The following NUTM1 variants were observed in gnomAD, a reference collection of about 807,000 sequenced individuals.
The protein encoded by NUTM1 is NUT family member 1.
NUTM1 carries 39 observed loss-of-function variants against 88.7 expected under a neutral mutation model. That is an observed-to-expected ratio of 0.44 (90% confidence interval 0.34 to 0.57). NUTM1 has a LOEUF of 0.57. NUTM1 is among the 20% of genes least tolerant of loss of function. The pLI, the probability that NUTM1 is intolerant of heterozygous loss-of-function variation, is 0.01. For synonymous variants in NUTM1, 494 were observed against 538.0 expected (o/e 0.92, Z 1.13); for missense variants, 1,350 against 1,414.5 (o/e 0.95, Z 0.73).
At chr15:34,350,365 A>C (rs1393142100) in intron 3 of NUTM1, among the ~76,000 whole-genome samples, 4 of 152,266 alleles carry the variant, frequency 2.6e-5, no homozygotes, top group Non-Finnish European at 5.9e-5. Context: ...AGCAAATCCC[A>C]TTCATTTAAT....
intron 3 of NUTM1, among the ~76,000 whole-genome samples, chr15:34,349,257 C>T (rs1890664201): frequency 6.6e-6 from 1 of 152,188 alleles, no homozygotes; most frequent in Admixed American, 6.5e-5. Flanking sequence ...CTACCACTCA[C>T]TAGATTTGTG....
In NUTM1 at chr15:34,357,411, G is replaced by C. The variant is rs368215734; in HGVS notation, c.3403G>C (p.Val1135Leu). The C allele has an allele frequency of 6.2e-7, 1 of 1,614,204 alleles. No individual in the cohort carries two copies. The highest frequency in any genetic ancestry group is 1.7e-5 in the Admixed American group (1 of 60,014). Residue 1135 changes from valine (V) to leucine (L), a missense_variant, in exon 8 of 8, where the codon GTT (valine) becomes CTT (leucine). Physicochemically the swap from Val to Leu is conservative, Grantham distance 32 (BLOSUM62 1). Around this residue, in one of 5 missense-constraint regions of NUTM1, gnomAD observed 730 missense variants for 728.8 expected, o/e 1.00. Coordinates refer to ENST00000537011, the MANE Select transcript of NUTM1 (RefSeq NM_001284292.2). ...GGAGAAACCCCTAGCTCTGGGAGTA[G>C]TTCGACCCTCACAGCCTCGTAAAAG... ...PREKPLALGV[V>L]RPSQPRKRRC...
Position 34,356,696 on chromosome 15 carries a change from C to A in NUTM1, c.2688C>A (p.Ile896=). The A allele has an allele frequency of 6.2e-7, 1 of 1,613,712 alleles. No individual in the cohort carries two copies. Among genetic ancestry groups the A allele is most frequent in the Non-Finnish European group, 8.5e-7 (1 of 1,179,954 alleles). Residue 896 remains isoleucine (I), a synonymous_variant, in exon 8 of 8, where the codon ATC becomes ATA. Transcript: ENST00000537011. ...CCACATGCCAAGGCAATCTCCTTAT[C>A]ATGGGGACTGAGGATGCCTCCTCCT... ...LPPTCQGNLL[I]MGTEDASSLP...
In NUTM1 at chr15:34,355,783, A is replaced by G; in HGVS notation, c.1775A>G (p.Asp592Gly). The G allele has an allele frequency of 6.2e-7, 1 of 1,614,200 alleles. No homozygotes were observed. Among genetic ancestry groups the G allele is most frequent in the South Asian group, 1.1e-5 (1 of 91,090 alleles). The change falls in exon 8 of 8, where the codon GAC becomes GGC. Residue 592 changes from aspartate (D) to glycine (G), a missense_variant. By Grantham distance (94) the Asp-to-Gly change is moderately conservative (BLOSUM62 -1). Transcript: ENST00000537011. This position sits in a 1 kb window ranked among gnomAD's most constrained non-coding sequence, Gnocchi z 4.3. ...ACTCTGCCATCCCCCAGCAGCTGGG[A>G]CCTGCAGCCAGAACTTGCAGCTCCA... ...GNTLPSPSSW[D>G]LQPELAAPQG... is the part of the protein sequence containing the mutation.
At chr15:34,345,847 C>G in intron 1 of NUTM1, 95 bp from the exon 2 acceptor site, 2 of 1,510,220 alleles carry the variant, frequency 1.3e-6, no homozygotes, top group Middle Eastern at 3.4e-4. Flanking sequence ...TCTCCCCTCC[C>G]CCACAGCAGA....
intron 4 of NUTM1, among the ~76,000 whole-genome samples, chr15:34,353,183 C>G (rs1440815288): frequency 1.3e-5 from 2 of 150,864 alleles, no homozygotes; most frequent in African/African-American, 4.9e-5. Context: ...CTGCGCCTGG[C>G]CTCATTCTTT....
chr15:34,351,343 T>C (rs1406632505), intron 4 of NUTM1, among the ~76,000 whole-genome samples: 3 of 146,050 alleles, frequency 2.1e-5, no homozygotes, highest in Non-Finnish European at 4.5e-5. Context: ...GGTTCAGTAG[T>C]TCAAGACCAG....
At chr15:34,354,311 T>C in intron 5 of NUTM1, 135 bp from the exon 6 acceptor site, 1 of 1,003,398 alleles carries the variant, frequency 1.0e-6, no homozygotes, top group Non-Finnish European at 1.5e-6. Context: ...CTTACAGAGC[T>C]GGGAGGCAGA....
intron 4 of NUTM1, 100 bp downstream of exon 4, chr15:34,350,932 G>A (rs2140155979): frequency 6.8e-7 from 1 of 1,476,294 alleles, no homozygotes; most frequent in African/African-American, 1.4e-5. Context: ...CAAAAGCCAT[G>A]TTAGGATGGG....
At chr15:34,354,950 C>A in intron 6 of NUTM1, 71 bp from the exon 7 acceptor site, 1 of 1,244,414 alleles carries the variant, frequency 8.0e-7, no homozygotes, top group Non-Finnish European at 1.2e-6. Flanking sequence ...CTCTTAGTTT[C>A]TTCTGTAAAG....
intron 4 of NUTM1, 74 bp from the exon 5 acceptor site, chr15:34,353,662 T>G: frequency 6.4e-7 from 1 of 1,574,744 alleles, no homozygotes; most frequent in Non-Finnish European, 8.7e-7. Flanking sequence ...TTGGCCATGC[T>G]TGGCTGTCGT....
At chr15:34,350,957 G>A (rs887469571) in intron 4 of NUTM1, 125 bp downstream of exon 4, 12 of 1,219,228 alleles carry the variant, frequency 9.8e-6, no homozygotes, top group South Asian at 6.9e-5. Context: ...AGCGGCTCAC[G>A]CCTGTAATCC....
At position 34,355,021 on chromosome 15, in the gene NUTM1, G is replaced by C. The variant is rs1168909513; in HGVS notation, c.1363G>C (p.Val455Leu). 1 of 1,603,366 alleles carries C rather than the reference G, an allele frequency of 6.2e-7. No homozygotes were observed. Among genetic ancestry groups the C allele is most frequent in the East Asian group, 2.2e-5 (1 of 44,832 alleles). The stretch of plus-strand genomic sequence containing the variant: ...CATCGCTTTTCCTTCTGTTATCCAG[G>C]TGGAGGCTGTCATTCACCCTCAATT... Reference protein sequence around the residue: ...LCSQKVFVSKVEAVIHPQFLA... With the variant: ...LCSQKVFVSKLEAVIHPQFLA... Residue 455 changes from valine to leucine, a missense_variant and splice_region_variant, in exon 7 of 8, where the codon GTG becomes CTG. By Grantham distance (32) the Val-to-Leu change is conservative (BLOSUM62 1). Transcript: ENST00000537011. The surrounding 1 kb of genome is among the most constrained non-coding windows in gnomAD (Gnocchi z 4.3).
At chr15:34,350,085 G>A (rs1197133471) in intron 3 of NUTM1, among the ~76,000 whole-genome samples, 1 of 152,172 alleles carries the variant, frequency 6.6e-6, no homozygotes. Flanking sequence ...TAATGTCTGA[G>A]GACTCCAAGG....
Position 34,345,219 on chromosome 15 carries a change from A to C in NUTM1, c.7-723A>C, listed in dbSNP as rs116699094. On this transcript the variant is annotated intron_variant, in intron 1 of 7. Transcript: ENST00000537011. ...GATGCTCTGGGAGTTACTGGCCTGA[A>C]ATAGTCGCCAGGAACCTTAGCAGAT... 3.6e-3 allele frequency among the ~76,000 whole-genome samples: 550 copies of C among 152,290 alleles called. 1 individual carries two copies. Among genetic ancestry groups the C allele is most frequent in the African/African-American group, 0.013 (536 of 41,550 alleles).
Position 34,355,269 on chromosome 15 carries a change from T to TAG in NUTM1, c.1479+135_1479+136dup. 1 of 752,492 alleles carries TAG rather than the reference T, an allele frequency of 1.3e-6. No homozygotes were observed. The highest frequency in any genetic ancestry group is 2.3e-6 in the Non-Finnish European group (1 of 441,224). 46.6% of individuals were successfully genotyped at this position (752,492 alleles called of 1,614,324 possible). On this transcript the variant is annotated intron_variant, in intron 7 of 7. Transcript: ENST00000537011. This position sits in a 1 kb window ranked among gnomAD's most constrained non-coding sequence, Gnocchi z 4.3. ...GGGCTTCAGGTGCAGAACGAGTAGG[T>TAG]AGAGGGCTATGGAAACACAGGAAAT... is the stretch of plus-strand genomic sequence containing the variant.
At chr15:34,347,861 A>G in intron 2 of NUTM1, 108 bp from the exon 3 acceptor site, 1 of 532,482 alleles carries the variant, frequency 1.9e-6, no homozygotes, top group Non-Finnish European at 3.1e-6. Flanking sequence ...TCAAAAAATA[A>G]AAATAAAAAT....
Position 34,348,586 on chromosome 15 carries a change from G to A in NUTM1, c.718G>A (p.Glu240Lys), listed in dbSNP as rs1339008479. 2 of 1,612,984 alleles carry A rather than the reference G, an allele frequency of 1.2e-6. No homozygotes were observed. The highest frequency in any genetic ancestry group is 1.3e-5 in the African/African-American group (1 of 74,942). ...CTCCAAAATTTCCAAGGACGTTTAT[G>A]AGAACTTCCGTCAGTGGCAGCGTTA... ...DRSKISKDVY[E>K]NFRQWQRYKA... Residue 240 changes from glutamate to lysine, a missense_variant, in exon 3 of 8, where the codon GAG (glutamate) becomes AAG (lysine). By Grantham distance (56) the Glu-to-Lys change is moderately conservative. This residue lies in a region of NUTM1 where 399 missense variants were observed against 397.9 expected (regional missense o/e 1.00). Transcript: ENST00000537011.
At chr15:34,346,129 C>A in intron 2 of NUTM1, 94 bp downstream of exon 2, 1 of 1,283,672 alleles carries the variant, frequency 7.8e-7, no homozygotes, top group South Asian at 1.2e-5. Context: ...TGAGGTGCTA[C>A]ACCCCGTCAA....
Sources: gnomAD v4.1 joint callset for allele counts (sites outside exome capture counted in the v4.1 genomes callset) on GRCh38, gnomAD v4.1.1 for gene constraint, gnomAD v4.1.1 regional missense constraint, Gnocchi (gnomAD v3.1) non-coding constraint, MANE v1.5 for transcripts, NCBI Gene and HGNC (gene_info 2026-07-23, HGNC 2026-07-21) for gene names.